MME: variants seen among roughly 807,000 people sequenced by gnomAD.
The protein encoded by MME is membrane metalloendopeptidase.
In MME, 98 loss-of-function variants were observed where a neutral mutation model predicts 113.2. The ratio of observed to expected loss-of-function variants is 0.87; its 90% CI spans 0.74 to 1.02. The LOEUF is 1.02. Among genes scored for constraint, MME ranks in the 50% least tolerant of loss-of-function variants. The pLI is 0.00. For missense variants in MME, 836 were observed against 896.0 expected, an observed-to-expected ratio of 0.93 and a Z score of 0.86; for synonymous variants, 292 against 300.6, an observed-to-expected ratio of 0.97 and a Z score of 0.30.
At chr3:155,167,728 C>G (rs1055470296) in intron 18 of MME, among the ~76,000 whole-genome samples, 2 of 152,140 alleles carry the variant, frequency 1.3e-5, no homozygotes, top group African/African-American at 4.8e-5. Flanking sequence ...AAAAGACTTA[C>G]TAAGTGTCTA....
intron 10 of MME, 107 bp from the exon 11 acceptor site, chr3:155,141,884 A>G (rs1721115460): frequency 8.4e-7 from 1 of 1,196,414 alleles, no homozygotes; most frequent in Non-Finnish European, 1.2e-6. Flanking sequence ...TTGAGGAAGA[A>G]TCCCAAGTGA....
intron 16 of MME, among the ~76,000 whole-genome samples, chr3:155,152,620 C>A (rs536892594): frequency 6.6e-6 from 1 of 152,184 alleles, no homozygotes; most frequent in South Asian, 2.1e-4. Context: ...GTGGGCGGAT[C>A]ACTTGAGGTC....
Position 155,085,131 on chromosome 3 carries a change from T to C in MME, c.196+37T>C, listed in dbSNP as rs4607069. On this transcript the variant is annotated intron_variant, in intron 3 of 22. Transcript: ENST00000360490. ...TTTTTACGTGTAATAGTTATACAAC[T>C]GATGTATAATATTTAAAATTAAATG... 0.1 allele frequency: 134,686 copies of C among 1,303,184 alleles called. 7,596 individuals are homozygous for C. The highest frequency in any genetic ancestry group is 0.18 in the South Asian group (14,150 of 77,938). The allele number at this position is 1,303,184 out of a possible 1,614,324, so 80.7% of individuals were successfully genotyped here.
At chr3:155,059,161 T>G (rs1714046893) in intron 1 of MME, among the ~76,000 whole-genome samples, 2 of 145,990 alleles carry the variant, frequency 1.4e-5, no homozygotes, top group Non-Finnish European at 3.0e-5. Context: ...GGGCTGAGGC[T>G]GGAGAATCGC....
chr3:155,117,835 G>A (rs1450339138), intron 7 of MME, among the ~76,000 whole-genome samples: 1 of 152,084 alleles, frequency 6.6e-6, no homozygotes, highest in Non-Finnish European at 1.5e-5. Flanking sequence ...CCTTCATGTG[G>A]AGATATCTTC....
chr3:155,053,187 C>G (rs75631628), intron 1 of MME, among the ~76,000 whole-genome samples: 2 of 152,286 alleles, frequency 1.3e-5, no homozygotes, highest in Middle Eastern at 3.4e-3. Flanking sequence ...CGGTTCCAGT[C>G]TCTGCCCATT....
intron 8 of MME, among the ~76,000 whole-genome samples, chr3:155,134,369 T>A (rs957592414): frequency 2.0e-5 from 3 of 152,110 alleles, no homozygotes; most frequent in Non-Finnish European, 4.4e-5. Context: ...TAGCTCCTAC[T>A]TATAAATGAG....
chr3:155,067,998 G>A (rs993036702), intron 1 of MME, among the ~76,000 whole-genome samples: 2 of 152,194 alleles, frequency 1.3e-5, no homozygotes, highest in African/African-American at 4.8e-5. Flanking sequence ...GAAGCTTTAT[G>A]TGTAATAGCC....
chr3:155,136,803 G>T (rs1411658807), intron 8 of MME, among the ~76,000 whole-genome samples: 1 of 152,106 alleles, frequency 6.6e-6, no homozygotes, highest in Non-Finnish European at 1.5e-5. Flanking sequence ...TCTTAAAACT[G>T]TGAAAATGTT....
At chr3:155,124,824 C>A (rs1476887124) in intron 8 of MME, among the ~76,000 whole-genome samples, 1 of 152,086 alleles carries the variant, frequency 6.6e-6, no homozygotes, top group South Asian at 2.1e-4. Context: ...CTCTTCAAAG[C>A]TGTCAGACAG....
At chr3:155,063,556 TAATA>T (rs2108138267) in intron 1 of MME, among the ~76,000 whole-genome samples, 1 of 118,468 alleles carries the variant, frequency 8.4e-6, no homozygotes, top group African/African-American at 3.3e-5. Flanking sequence ...TATATTTATT[TAATA>T]AATATAATAT....
rs200539289 is a variant in MME at position 155,142,342 on chromosome 3, A to T, written c.1188+12A>T. On this transcript the variant is annotated intron_variant, in intron 12 of 22. Transcript: ENST00000360490. ...ATGCTTTCCGCAAGGTGAAGAAAAA[A>T]TCTCTCTTTTCTTAAGACTTAAAGC... 10 of 1,604,036 alleles carry T rather than the reference A, an allele frequency of 6.2e-6. No individual in the cohort carries two copies. Among genetic ancestry groups the T allele is most frequent in the Non-Finnish European group, 8.5e-6 (10 of 1,171,130 alleles).
At chr3:155,167,297 C>G (rs550065837) in intron 18 of MME, among the ~76,000 whole-genome samples, 2 of 152,208 alleles carry the variant, frequency 1.3e-5, no homozygotes, top group South Asian at 4.1e-4. Context: ...AGTGATAATA[C>G]TAGGTCTTAG....
chr3:155,098,594 G>T (rs1199075646), intron 3 of MME, among the ~76,000 whole-genome samples: 1 of 150,962 alleles, frequency 6.6e-6, no homozygotes, highest in Non-Finnish European at 1.5e-5. Flanking sequence ...AGAGTTTTCA[G>T]TGAAGTCGAG....
At chr3:155,054,801 G>C (rs563631725) in intron 1 of MME, among the ~76,000 whole-genome samples, 1 of 152,198 alleles carries the variant, frequency 6.6e-6, no homozygotes, top group African/African-American at 2.4e-5. Context: ...TGGGCAACAA[G>C]AGTGAAACTC....
At chr3:155,148,260 C>G (rs61758203) in intron 15 of MME, among the ~76,000 whole-genome samples, 2 of 152,032 alleles carry the variant, frequency 1.3e-5, no homozygotes, top group Non-Finnish European at 2.9e-5. Flanking sequence ...GTGCTATTAT[C>G]CACATGTGTT....
At chr3:155,102,749 G>T (rs577149498) in intron 3 of MME, among the ~76,000 whole-genome samples, 34 of 152,232 alleles carry the variant, frequency 2.2e-4, no homozygotes, top group African/African-American at 7.9e-4. Flanking sequence ...TCTTTCCCAT[G>T]ATCATTTCCC....
chr3:155,057,185 G>A (rs555683975), intron 1 of MME, among the ~76,000 whole-genome samples: 103 of 152,022 alleles, frequency 6.8e-4, no homozygotes, highest in African/African-American at 2.3e-3. Context: ...GAAAATTTTC[G>A]CAACCTACTC....
intron 20 of MME, 129 bp from the exon 21 acceptor site, chr3:155,171,988 T>C: frequency 1.5e-6 from 1 of 647,250 alleles, no homozygotes; most frequent in Non-Finnish European, 2.8e-6. Context: ...TAGGTTACCA[T>C]AACTAAATGT....
Sources: gnomAD v4.1 joint callset for allele counts (sites outside exome capture counted in the v4.1 genomes callset) on GRCh38, gnomAD v4.1.1 for gene constraint, MANE v1.5 for transcripts, NCBI Gene and HGNC (gene_info 2026-07-23, HGNC 2026-07-21) for gene names.